The following PLEKHG7 variants were observed in gnomAD, a reference collection of about 807,000 sequenced individuals.
The protein encoded by PLEKHG7 is pleckstrin homology and RhoGEF domain containing G7.
Under a neutral mutation model 85.2 loss-of-function variants are expected in PLEKHG7, and 77 were observed. The observed-to-expected ratio is 0.90, with a 90% CI of 0.75 to 1.09. The LOEUF is 1.09. Among genes scored for constraint, PLEKHG7 ranks in the 50% least tolerant of loss-of-function variants. The pLI, the probability that PLEKHG7 is intolerant of heterozygous loss-of-function variation, is 0.00. For missense variants in PLEKHG7, 777 were observed against 804.3 expected (o/e 0.97, Z 0.41); for synonymous variants, 301 against 302.4 (o/e 1.00, Z 0.05).
chr12:92,762,002 G>GTAAATAAA (rs61049024), intron 14 of PLEKHG7, among the ~76,000 whole-genome samples, 171 bp downstream of exon 14: 2,676 of 151,830 alleles, frequency 0.018, 84 homozygotes, highest in African/African-American at 0.06. Context: ...AAGCTCTGAA[G>GTAAATAAA]TAAATAAATA....
chr12:92,738,757 T>A (rs1872259312), intron 7 of PLEKHG7, among the ~76,000 whole-genome samples: 1 of 152,244 alleles, frequency 6.6e-6, no homozygotes, highest in South Asian at 2.1e-4. Context: ...ACCATTATGA[T>A]GATCAAATTA....
intron 10 of PLEKHG7, among the ~76,000 whole-genome samples, chr12:92,747,067 A>C (rs1345679769): frequency 6.6e-6 from 1 of 152,232 alleles, no homozygotes; most frequent in Admixed American, 6.5e-5. Context: ...GCACAGCAGA[A>C]GAAACAACAG....
intron 10 of PLEKHG7, among the ~76,000 whole-genome samples, chr12:92,751,897 G>A (rs115242388): frequency 2.2e-4 from 33 of 152,152 alleles, no homozygotes; most frequent in African/African-American, 7.9e-4. Flanking sequence ...TGCACCTGTG[G>A]TGTCAGCTAT....
chr12:92,732,268 G>A lies in PLEKHG7; in HGVS notation c.694G>A (p.Gly232Arg). 6.5e-6 allele frequency: 8 copies of A among 1,231,408 alleles called. No individual in the cohort carries two copies. Among genetic ancestry groups the A allele is most frequent in the Non-Finnish European group, 8.1e-6 (8 of 987,358 alleles). The allele number at this position is 1,231,408 out of a possible 1,614,324, so 76.3% of individuals were successfully genotyped here. A position where few individuals can be genotyped will look rare whatever the true frequency, so the allele number is the denominator to read the frequency against. Reference sequence around the variant, plus strand: ...GCCAAGATGGCCTTTCTCCAAAAGAGGAGTGGTAAGTGTTGCAAATTGCCA... The same window carrying A: ...GCCAAGATGGCCTTTCTCCAAAAGAAGAGTGGTAAGTGTTGCAAATTGCCA... ...KKPRWPFSKR[G>R]VGKDKHKHIS... Residue 232 changes from glycine (G) to arginine (R), a missense_variant, in exon 5 of 17, where the codon GGA becomes AGA. By Grantham distance (125) the Gly-to-Arg change is moderately radical (BLOSUM62 -2). Coordinates refer to ENST00000344636, the MANE Select transcript of PLEKHG7 (RefSeq NM_001377329.1).
At chr12:92,713,025 G>A (rs953392987) in intron 3 of PLEKHG7, among the ~76,000 whole-genome samples, 4 of 152,158 alleles carry the variant, frequency 2.6e-5, no homozygotes, top group Non-Finnish European at 4.4e-5. Flanking sequence ...TTGGTAAAAG[G>A]CCAGAGGTCT....
chr12:92,760,334 T>TA (rs550984577), intron 13 of PLEKHG7, among the ~76,000 whole-genome samples: 144 of 152,182 alleles, frequency 9.5e-4, no homozygotes, highest in African/African-American at 3.3e-3. Flanking sequence ...ATATGATTTT[T>TA]AAAAAAACTA....
Position 92,748,644 on chromosome 12 carries a change from C to T in PLEKHG7, c.1251+3053C>T, listed in dbSNP as rs149411889. The stretch of plus-strand genomic sequence containing the variant: ...ACCTGTAAAGTTGATTACATTGTTC[C>T]TTTGTGTCCCTGAGGCTCAGAGAGG... On this transcript the variant is annotated intron_variant, in intron 10 of 16. Coordinates refer to ENST00000344636, the MANE Select transcript of PLEKHG7 (RefSeq NM_001377329.1). Among the ~76,000 whole-genome samples, 314 of 152,274 alleles carry T rather than the reference C, an allele frequency of 2.1e-3. 3 individuals are homozygous for T. The highest frequency in any genetic ancestry group is 7.3e-3 in the African/African-American group (305 of 41,546).
intron 7 of PLEKHG7, among the ~76,000 whole-genome samples, chr12:92,739,886 A>G (rs999743447): frequency 7.9e-5 from 12 of 152,230 alleles, no homozygotes; most frequent in African/African-American, 2.7e-4. Flanking sequence ...ATGGATTTTA[A>G]AAGGTCTAAG....
intron 13 of PLEKHG7, among the ~76,000 whole-genome samples, chr12:92,758,735 T>C (rs1166226016): frequency 6.6e-6 from 1 of 152,196 alleles, no homozygotes; most frequent in Non-Finnish European, 1.5e-5. Context: ...TTAGTCAAAT[T>C]CCATCAGAGA....
In PLEKHG7 at chr12:92,741,512, A is replaced by C. The variant is rs1347224551; in HGVS notation, c.1057A>C (p.Ser353Arg). Residue 353 changes from serine to arginine, a missense_variant, in exon 9 of 17, where the codon AGT (serine) becomes CGT (arginine). Ser to Arg is a moderately radical substitution (Grantham distance 110). Around this residue, in one of 3 missense-constraint regions of PLEKHG7, gnomAD observed 520 missense variants for 544.0 expected, o/e 0.96. Transcript: ENST00000344636. ...LTQTSLGFVN[S>R]LFGIIKDYVD... ...CTAGACAAGCCTTGGTTTTGTGAACAGTCTCTTTGGCATCATCAAGGACTA... is the reference window on the plus strand; with the variant it reads ...CTAGACAAGCCTTGGTTTTGTGAACCGTCTCTTTGGCATCATCAAGGACTA... 19 of 1,610,426 alleles carry C rather than the reference A, an allele frequency of 1.2e-5. No homozygotes were observed. The highest frequency in any genetic ancestry group is 1.4e-5 in the Non-Finnish European group (17 of 1,178,732).
chr12:92,761,839 G>T lies in PLEKHG7; in HGVS notation c.1716+8G>T, dbSNP rs760763812. The T allele has an allele frequency of 5.1e-6, 8 of 1,566,310 alleles. No homozygotes were observed. In the African/African-American group the frequency reaches 8.4e-5, roughly 16 times the overall value. On this transcript the variant is annotated splice_region_variant and intron_variant, in intron 14 of 16. Coordinates refer to ENST00000344636, the MANE Select transcript of PLEKHG7 (RefSeq NM_001377329.1). Reference sequence around the variant, plus strand: ...ACTAAGTGCAACAAAAAGGTAAAATGCTGCTATTTCAAAGTACGTTTCTAA... The same window carrying T: ...ACTAAGTGCAACAAAAAGGTAAAATTCTGCTATTTCAAAGTACGTTTCTAA...
Position 92,741,578 on chromosome 12 carries a change from T to C in PLEKHG7, c.1123T>C (p.Ser375Pro). The C allele has an allele frequency of 6.2e-7, 1 of 1,612,798 alleles. No homozygotes were observed. The highest frequency in any genetic ancestry group is 8.5e-7 in the Non-Finnish European group (1 of 1,179,194). The change falls in exon 9 of 17, where the codon TCC (serine) becomes CCC (proline). Residue 375 changes from serine to proline, a missense_variant. Transcript: ENST00000344636. The part of the protein sequence containing the change: ...SEISSSLDFI[S>P]VLTKYFRGSL... ...GATTTCCTCATCACTGGATTTTATT[T>C]CCGTGCTCACAAAGGTAAACTCCTT...
Position 92,764,182 on chromosome 12 carries a change from C to A in PLEKHG7, c.1858C>A (p.Leu620Ile). The change falls in exon 15 of 17, where the codon CTC becomes ATC. Residue 620 changes from leucine to isoleucine, a missense_variant. Physicochemically the swap from Leu to Ile is conservative, Grantham distance 5. Around this residue, in one of 3 missense-constraint regions of PLEKHG7, gnomAD observed 520 missense variants for 544.0 expected, o/e 0.96. Coordinates refer to ENST00000344636, the MANE Select transcript of PLEKHG7 (RefSeq NM_001377329.1). ...DRLVVKSIEP[L>I]HVSVFGLRNA... ...ATTGGTAGTCAAAAGTATTGAACCA[C>A]TCCATGTGTCAGGTATGTGTCTATT... 1.9e-6 allele frequency: 3 copies of A among 1,604,840 alleles called. No individual in the cohort carries two copies. Among genetic ancestry groups the A allele is most frequent in the Non-Finnish European group, 2.6e-6 (3 of 1,175,214 alleles).
At chr12:92,714,459 G>C (rs572538858) in intron 3 of PLEKHG7, among the ~76,000 whole-genome samples, 4 of 152,288 alleles carry the variant, frequency 2.6e-5, no homozygotes, top group African/African-American at 4.8e-5. Flanking sequence ...TAGGCACCTG[G>C]TGGGGCTGTG....
chr12:92,736,718 G>C, intron 6 of PLEKHG7, 141 bp downstream of exon 6: 1 of 442,952 alleles, frequency 2.3e-6, no homozygotes, highest in Non-Finnish European at 3.7e-6. Flanking sequence ...AGGAACCCAG[G>C]ACTGAGCAGG....
At chr12:92,757,141 A>C (rs1200696577) in intron 13 of PLEKHG7, among the ~76,000 whole-genome samples, 1 of 152,220 alleles carries the variant, frequency 6.6e-6, no homozygotes, top group Non-Finnish European at 1.5e-5. Context: ...CTCCCTGCTC[A>C]GCCTTTTCTG....
At chr12:92,769,684 A>G (rs1486706900) in intron 16 of PLEKHG7, among the ~76,000 whole-genome samples, 1 of 152,198 alleles carries the variant, frequency 6.6e-6, no homozygotes, top group African/African-American at 2.4e-5. Context: ...GCAATATTCA[A>G]TTTCCTGGGT....
intron 3 of PLEKHG7, among the ~76,000 whole-genome samples, chr12:92,722,474 T>C (rs1871675595): frequency 6.6e-6 from 1 of 152,224 alleles, no homozygotes; most frequent in South Asian, 2.1e-4. Context: ...CAGAGGCATA[T>C]TCACCTTTCC....
chr12:92,711,155 C>T (rs1027915877), intron 3 of PLEKHG7, among the ~76,000 whole-genome samples: 2 of 152,222 alleles, frequency 1.3e-5, no homozygotes, highest in Non-Finnish European at 2.9e-5. Context: ...CGAAGTTCTG[C>T]CCACTGGGAA....
Sources: gnomAD v4.1 joint callset for allele counts (sites outside exome capture counted in the v4.1 genomes callset) on GRCh38, gnomAD v4.1.1 for gene constraint, gnomAD v4.1.1 regional missense constraint, MANE v1.5 for transcripts, NCBI Gene and HGNC (gene_info 2026-07-23, HGNC 2026-07-21) for gene names.